FAM177B: variants seen among roughly 807,000 people sequenced by gnomAD.
FAM177B encodes family with sequence similarity 177 member B.
A neutral mutation model predicts 16.1 loss-of-function variants in FAM177B; 16 were observed. The ratio of observed to expected loss-of-function variants is 0.99; its 90% CI spans 0.67 to 1.51. FAM177B has a LOEUF of 1.51. FAM177B is among the 40% of genes most tolerant of loss of function. The probability of loss-of-function intolerance (pLI) is 0.00; values close to 1 mark genes in which losing one functional copy is unlikely to be tolerated. For missense variants in FAM177B, 178 were observed against 183.7 expected (o/e 0.97, Z 0.18); for synonymous variants, 56 against 59.9 (o/e 0.93, Z 0.30).
chr1:222,744,724 G>T (rs1658714385), intron 2 of FAM177B, among the ~76,000 whole-genome samples: 2 of 152,104 alleles, frequency 1.3e-5, no homozygotes, highest in South Asian at 4.1e-4. Context: ...AAGACACTGG[G>T]ATATTAAATA....
At chr1:222,738,593 TGGCAC>T (rs1391216901) in intron 2 of FAM177B, among the ~76,000 whole-genome samples, 2 of 129,066 alleles carry the variant, frequency 1.5e-5, no homozygotes, top group African/African-American at 5.9e-5. Flanking sequence ...GCTGGGCGTG[TGGCAC>T]GTGCCTGTGG....
chr1:222,742,420 T>A (rs1283420342), intron 2 of FAM177B: 1 of 152,186 alleles, frequency 6.6e-6, no homozygotes, highest in Non-Finnish European at 1.5e-5. Flanking sequence ...CATTGAGTCA[T>A]ATCTAAAACC....
intron 1 of FAM177B, among the ~76,000 whole-genome samples, chr1:222,737,523 C>A (rs1658331705): frequency 6.6e-6 from 1 of 152,078 alleles, no homozygotes; most frequent in Non-Finnish European, 1.5e-5. Flanking sequence ...AGAGGGCGGA[C>A]CTGTGTGGTC....
rs1383208289 is a variant in FAM177B at position 222,747,027 on chromosome 1, TG to T, written c.192del (p.Tyr66ThrfsTer9). 5.0e-6 allele frequency: 8 copies of T among 1,610,230 alleles called. No homozygotes were observed. The highest frequency in any genetic ancestry group is 6.8e-6 in the Non-Finnish European group (8 of 1,176,522). On this transcript the variant is annotated frameshift_variant, in exon 4 of 6. Coordinates refer to ENST00000445590, the MANE Select transcript of FAM177B (RefSeq NM_001394345.1). LOFTEE classifies it high-confidence loss of function. ...CTCCTTTTTTCAGTCTAAACTTTCC[TG>T]GGGGCCCTACCTACGATTTTGGGCA... is the stretch of plus-strand genomic sequence containing the variant. Reference protein sequence around the residue: ...NSTLDPSKLSWGPYLRFWAGR... With the variant: ...NSTLDPSKLSXGPYLRFWAGR...
chr1:222,748,569 T>C (rs548183334), intron 4 of FAM177B, among the ~76,000 whole-genome samples: 1 of 152,098 alleles, frequency 6.6e-6, no homozygotes, highest in Non-Finnish European at 1.5e-5. Context: ...TTGAATGGAG[T>C]TGGAACTCAG....
At chr1:222,740,936 C>T (rs1419887847) in intron 2 of FAM177B, among the ~76,000 whole-genome samples, 2 of 151,934 alleles carry the variant, frequency 1.3e-5, no homozygotes, top group South Asian at 2.1e-4. Context: ...CCTGACCTCG[C>T]GATCTGCCCG....
intron 2 of FAM177B, chr1:222,739,603 T>G (rs1274312563): frequency 5.3e-5 from 8 of 152,210 alleles, no homozygotes; most frequent in African/African-American, 1.9e-4. Context: ...GCTTAGCTAA[T>G]ATTGGATGTA....
intron 1 of FAM177B, 115 bp downstream of exon 1, chr1:222,737,437 A>G (rs1049636828): frequency 6.6e-6 from 1 of 152,218 alleles, no homozygotes; most frequent in Admixed American, 6.5e-5. Context: ...TGAGTTAAAG[A>G]CTGGAAATGA....
intron 2 of FAM177B, among the ~76,000 whole-genome samples, chr1:222,743,037 C>T (rs796384696): frequency 6.6e-6 from 1 of 152,274 alleles, no homozygotes; most frequent in African/African-American, 2.4e-5. Flanking sequence ...TGAGGACTCT[C>T]CCAGTTTTCT....
chr1:222,750,517 C>T lies in FAM177B; in HGVS notation c.*459C>T. 1.0e-6 allele frequency: 1 copy of T among 986,460 alleles called. No homozygotes were observed. The highest frequency in any genetic ancestry group is 1.2e-6 in the Non-Finnish European group (1 of 830,676). 61.1% of individuals were successfully genotyped at this position (986,460 alleles called of 1,614,324 possible). On this transcript the variant is annotated 3_prime_UTR_variant, in exon 6 of 6. Coordinates refer to ENST00000445590, the MANE Select transcript of FAM177B (RefSeq NM_001394345.1). The stretch of plus-strand genomic sequence containing the variant: ...TCAGGATTTGATATAGTGTGTACTT[C>T]CAACAACCATCCTGGCGTAGTTGGG...
chr1:222,738,693 A>G (rs1488370843), intron 2 of FAM177B, among the ~76,000 whole-genome samples: 2 of 152,120 alleles, frequency 1.3e-5, no homozygotes, highest in African/African-American at 4.8e-5. Flanking sequence ...AAATTAAACC[A>G]AAGCCAAAAG....
intron 2 of FAM177B, among the ~76,000 whole-genome samples, chr1:222,745,109 A>T (rs898612493): frequency 6.6e-6 from 1 of 152,120 alleles, no homozygotes; most frequent in Admixed American, 6.5e-5. Context: ...TTCATTGTTT[A>T]TTACTTTTAA....
intron 5 of FAM177B, 39 bp downstream of exon 5, chr1:222,749,601 G>A (rs750108621): frequency 1.6e-6 from 2 of 1,236,756 alleles, no homozygotes; most frequent in Non-Finnish European, 2.3e-6. Flanking sequence ...GCCTGAGATG[G>A]GAATATTGGT....
intron 4 of FAM177B, chr1:222,747,408 T>C (rs879741869): frequency 4.5e-6 from 1 of 221,116 alleles, no homozygotes; most frequent in Non-Finnish European, 9.0e-6. Context: ...CAATAATCAG[T>C]CCTCCCTGAG....
chr1:222,741,792 C>G (rs987851258), intron 2 of FAM177B, among the ~76,000 whole-genome samples: 4 of 128,724 alleles, frequency 3.1e-5, no homozygotes, highest in Admixed American at 1.7e-4. Flanking sequence ...CTTTTTCTTT[C>G]TTTCTTTCTC....
rs1338158996 is a variant in FAM177B at position 222,750,659 on chromosome 1, T to C, written c.*601T>C. ...AACAATTGATAAATAATATAAGCTC[T>C]AGAAAAAAATATTAATGGATTATTT... On this transcript the variant is annotated 3_prime_UTR_variant, in exon 6 of 6. Transcript: ENST00000445590. The C allele has an allele frequency of 1.7e-6, 1 of 583,876 alleles. No individual in the cohort carries two copies. Among genetic ancestry groups the C allele is most frequent in the Non-Finnish European group, 2.2e-6 (1 of 463,694 alleles). 36.2% of individuals were successfully genotyped at this position (583,876 alleles called of 1,614,324 possible).
chr1:222,741,876 T>TCTTC (rs1658559661), intron 2 of FAM177B, among the ~76,000 whole-genome samples: 1 of 140,044 alleles, frequency 7.1e-6, no homozygotes, highest in Admixed American at 7.1e-5. Flanking sequence ...TTTCTTTCTT[T>TCTTC]CTTCCTTCCT....
At chr1:222,739,901 T>A (rs2125057699) in intron 2 of FAM177B, 1 of 152,412 alleles carries the variant, frequency 6.6e-6, no homozygotes, top group East Asian at 1.9e-4. Flanking sequence ...CCTATGGCAC[T>A]GATAGTATTT....
At chr1:222,744,453 C>G (rs920434782) in intron 2 of FAM177B, among the ~76,000 whole-genome samples, 1 of 97,344 alleles carries the variant, frequency 1.0e-5, no homozygotes, top group African/African-American at 4.1e-5. Context: ...GCCTGGGCAA[C>G]AAGAGTGAAA....
Sources: gnomAD v4.1 joint callset for allele counts (sites outside exome capture counted in the v4.1 genomes callset) on GRCh38, gnomAD v4.1.1 for gene constraint, MANE v1.5 for transcripts, NCBI Gene and HGNC (gene_info 2026-07-23, HGNC 2026-07-21) for gene names.